The following SHISAL2A variants were observed in gnomAD, a reference collection of about 807,000 sequenced individuals.
SHISAL2A encodes shisa like 2A.
SHISAL2A carries 18 observed loss-of-function variants against 11.5 expected under a neutral mutation model. The ratio of observed to expected loss-of-function variants is 1.57; its 90% CI spans 1.08 to 2.33. SHISAL2A has a LOEUF of 2.33. SHISAL2A is among the 30% of genes most tolerant of loss of function. SHISAL2A has a pLI of 0.00. For synonymous variants in SHISAL2A, 94 were observed against 99.6 expected, an observed-to-expected ratio of 0.94 and a Z score of 0.34; for missense variants, 261 against 250.9, an observed-to-expected ratio of 1.04 and a Z score of -0.27.
intron 2 of SHISAL2A, among the ~76,000 whole-genome samples, chr1:52,645,383 A>G (rs1339037863): frequency 1.1e-5 from 1 of 94,812 alleles, no homozygotes; most frequent in Non-Finnish European, 2.8e-5. Flanking sequence ...ACCAGAGACA[A>G]CTGAGGCTTC....
rs562433085 is a variant in SHISAL2A at position 52,635,404 on chromosome 1, T to G, written c.182+1729T>G. Among the ~76,000 whole-genome samples the G allele has an allele frequency of 3.1e-4, 46 of 148,072 alleles. No individual in the cohort carries two copies. In the South Asian group the frequency reaches 3.4e-3, roughly 11 times the overall value. On this transcript the variant is annotated intron_variant, in intron 1 of 2. Coordinates refer to ENST00000517870, the MANE Select transcript of SHISAL2A (RefSeq NM_001042693.3). ...TCGGAGACTATGGTTTCTCAAGGAA[T>G]GGTGGCAGATGGGGCTAGGGAATAG...
intron 1 of SHISAL2A, among the ~76,000 whole-genome samples, chr1:52,634,199 C>T (rs1404258297): frequency 1.3e-5 from 2 of 152,204 alleles, no homozygotes; most frequent in African/African-American, 4.8e-5. Context: ...TCTTCTCCCA[C>T]ATCCTGACTC....
chr1:52,657,179 C>T (rs78238573), downstream of SHISAL2A: 650 of 1,191,402 alleles, frequency 5.5e-4, 1 homozygote, highest in Non-Finnish European at 7.2e-4. Context: ...GTGGACCCTG[C>T]CATACTGTTC....
chr1:52,656,769 C>T, intron 2 of SHISAL2A, 21 bp from the exon 3 acceptor site: 1 of 1,584,124 alleles, frequency 6.3e-7, no homozygotes, highest in Non-Finnish European at 8.6e-7. Context: ...AGCCACACAC[C>T]CTCAGTTTGC....
At position 52,665,008 on chromosome 1, in the gene SHISAL2A, C is replaced by T. The variant is rs2149896720; in HGVS notation, n.696-2391C>T. On this transcript the variant is annotated intron_variant and non_coding_transcript_variant, in intron 4 of 5. Coordinates refer to the SHISAL2A transcript ENST00000401050. ...TTTGCCAAGTTGCCCAGGCTGGTCT[C>T]GAACTCCCAGGCTCAAGCAATCCGC... is the stretch of plus-strand genomic sequence containing the variant. 1.3e-5 allele frequency among the ~76,000 whole-genome samples: 2 copies of T among 152,238 alleles called. 1 individual carries two copies. Among genetic ancestry groups the T allele is most frequent in the Middle Eastern group, 6.8e-3 (2 of 294 alleles).
At chr1:52,639,885 C>T (rs985450067) in intron 1 of SHISAL2A, 6 of 152,160 alleles carry the variant, frequency 3.9e-5, no homozygotes, top group African/African-American at 1.2e-4. Flanking sequence ...ACCTCCCGGG[C>T]TCCAGCAACC....
At chr1:52,665,734 C>G (rs571129050) in intron 4 of SHISAL2A, among the ~76,000 whole-genome samples, 5 of 152,184 alleles carry the variant, frequency 3.3e-5, no homozygotes, top group East Asian at 3.9e-4. Context: ...TCTCAAGCAC[C>G]ATCCCCCCCC....
At chr1:52,639,356 C>CATGTGTATAG (rs1248626820) in intron 1 of SHISAL2A, among the ~76,000 whole-genome samples, 3 of 152,086 alleles carry the variant, frequency 2.0e-5, no homozygotes. Flanking sequence ...TATATGTATA[C>CATGTGTATAG]TTATTTAGTT....
chr1:52,653,260 G>A (rs1691711365), intron 2 of SHISAL2A, among the ~76,000 whole-genome samples: 1 of 129,760 alleles, frequency 7.7e-6, no homozygotes, highest in East Asian at 2.5e-4. Context: ...ATCATTCTGG[G>A]CAACATGACA....
downstream of SHISAL2A, among the ~76,000 whole-genome samples, chr1:52,661,412 C>T (rs1022171982): frequency 6.6e-6 from 1 of 152,182 alleles, no homozygotes; most frequent in Admixed American, 6.5e-5. Context: ...GACATCTGTC[C>T]TCCGGTCAGG....
intron 2 of SHISAL2A, among the ~76,000 whole-genome samples, chr1:52,650,977 A>G (rs1691630957): frequency 1.3e-5 from 2 of 149,752 alleles, no homozygotes; most frequent in South Asian, 4.2e-4. Flanking sequence ...AGCTTCCCAC[A>G]TAAGCCAAAA....
chr1:52,661,492 G>A (rs1257176256), downstream of SHISAL2A, among the ~76,000 whole-genome samples: 1 of 152,194 alleles, frequency 6.6e-6, no homozygotes, highest in Non-Finnish European at 1.5e-5. Context: ...TGGCTCAGGG[G>A]CCAGGGCACA....
intron 1 of SHISAL2A, among the ~76,000 whole-genome samples, chr1:52,637,404 T>C (rs913340125): frequency 6.6e-6 from 1 of 152,212 alleles, no homozygotes; most frequent in African/African-American, 2.4e-5. Flanking sequence ...TGAAAGTCAG[T>C]CCTTAAAAAC....
downstream of SHISAL2A, among the ~76,000 whole-genome samples, chr1:52,658,362 C>G (rs1399329726): frequency 3.9e-5 from 6 of 152,092 alleles, no homozygotes; most frequent in East Asian, 1.2e-3. Flanking sequence ...TTTTAAATGA[C>G]CAATGGATGA....
downstream of SHISAL2A, chr1:52,659,412 G>A (rs1304674506): frequency 1.3e-5 from 2 of 153,076 alleles, no homozygotes; most frequent in East Asian, 3.9e-4. Flanking sequence ...ACCTGTGCAG[G>A]TTGCCACAAA....
In SHISAL2A at chr1:52,643,001, A is replaced by G; in HGVS notation, c.321A>G (p.Ala107=). 1 of 1,614,086 alleles carries G rather than the reference A, an allele frequency of 6.2e-7. No homozygotes were observed. The highest frequency in any genetic ancestry group is 1.1e-5 in the South Asian group (1 of 91,082). The change falls in exon 2 of 3, where the codon GCA becomes GCG. Residue 107 remains alanine, a splice_region_variant and synonymous_variant. Coordinates refer to ENST00000517870, the MANE Select transcript of SHISAL2A (RefSeq NM_001042693.3). ...ACCTGGGCTTGAGCTTACAGACAGC[A>G]GGTAAGGAAGTTGCCAGGTGATGTC... ...KLDLGLSLQT[A]GPEEVSPDCQ...
exon 6 of SHISAL2A, chr1:52,668,954 G>A (rs574738917): frequency 6.6e-6 from 1 of 152,324 alleles, no homozygotes; most frequent in South Asian, 2.1e-4. Flanking sequence ...GGGTTGGCAT[G>A]CCCTCTGGGC....
rs749280895 is a variant in SHISAL2A, at chr1:52,656,795, G to A, written c.328G>A (p.Glu110Lys). 12 of 1,607,568 alleles carry A rather than the reference G, an allele frequency of 7.5e-6. No homozygotes were observed. The South Asian group carries it at 1.2e-4, about 16-fold the overall frequency. ...LGLSLQTAGP[E>K]EVSPDCQGVN... ...CTCAGTTTGCTGTTTTCCAGGCCCT[G>A]AGGAGGTTTCTCCTGACTGCCAAGG... Residue 110 changes from glutamate (E) to lysine (K), a missense_variant, in exon 3 of 3, where the codon GAG becomes AAG. By Grantham distance (56) the Glu-to-Lys change is moderately conservative (BLOSUM62 1). Coordinates refer to ENST00000517870, the MANE Select transcript of SHISAL2A (RefSeq NM_001042693.3).
At chr1:52,642,247 G>A (rs1195272478) in intron 1 of SHISAL2A, among the ~76,000 whole-genome samples, 4 of 152,182 alleles carry the variant, frequency 2.6e-5, no homozygotes, top group Admixed American at 6.5e-5. Flanking sequence ...GTGGGAGCAG[G>A]TGAGGAAAGT....
Sources: gnomAD v4.1 joint callset for allele counts (sites outside exome capture counted in the v4.1 genomes callset) on GRCh38, gnomAD v4.1.1 for gene constraint, MANE v1.5 for transcripts, NCBI Gene and HGNC (gene_info 2026-07-23, HGNC 2026-07-21) for gene names.